Variants in SLC2A13 observed in about 807,000 individuals in gnomAD.
The protein encoded by SLC2A13 is proton myo-inositol cotransporter.
Under a neutral mutation model 64.4 loss-of-function variants are expected in SLC2A13, and 32 were observed. The ratio of observed to expected loss-of-function variants is 0.50; its 90% CI spans 0.37 to 0.67. The LOEUF is 0.67. Among genes scored for constraint, SLC2A13 ranks in the 30% least tolerant of loss-of-function variants. SLC2A13 has a pLI of 0.00. For synonymous variants in SLC2A13, 338 were observed against 327.1 expected (o/e 1.03, Z -0.36); for missense variants, 743 against 829.2 (o/e 0.90, Z 1.28).
intron 7 of SLC2A13, among the ~76,000 whole-genome samples, chr12:39,783,186 C>T (rs776775988): frequency 5.3e-4 from 81 of 152,128 alleles, no homozygotes; most frequent in African/African-American, 7.2e-4. Context: ...CATGTCCCTA[C>T]GAAGGACATG....
intron 4 of SLC2A13, among the ~76,000 whole-genome samples, chr12:39,937,332 G>A (rs1025296437): frequency 2.0e-5 from 3 of 152,154 alleles, no homozygotes; most frequent in East Asian, 1.9e-4. Context: ...TCTGGTCCCT[G>A]GCAGAGTGCC....
At chr12:39,826,736 A>G (rs1942688315) in intron 7 of SLC2A13, among the ~76,000 whole-genome samples, 2 of 151,450 alleles carry the variant, frequency 1.3e-5, no homozygotes, top group South Asian at 2.1e-4. Flanking sequence ...TTGCTGAATT[A>G]TAACACATAT....
intron 7 of SLC2A13, among the ~76,000 whole-genome samples, chr12:39,805,704 G>C (rs953378647): frequency 2.4e-4 from 37 of 152,188 alleles, no homozygotes; most frequent in African/African-American, 8.9e-4. Context: ...AAATGGCAAA[G>C]GTAAGTGAAG....
At chr12:39,828,361 CCTTA>C (rs1203819533) in intron 7 of SLC2A13, among the ~76,000 whole-genome samples, 2 of 151,460 alleles carry the variant, frequency 1.3e-5, no homozygotes, top group Non-Finnish European at 2.9e-5. Flanking sequence ...GTTATCTGTG[CCTTA>C]CTTTTCTCTA....
chr12:40,084,079 A>G (rs1364917846), intron 1 of SLC2A13, among the ~76,000 whole-genome samples: 2 of 152,252 alleles, frequency 1.3e-5, no homozygotes, highest in Non-Finnish European at 2.9e-5. Flanking sequence ...TCCGAATATC[A>G]GATACTGAAC....
At chr12:39,777,172 C>A (rs1205095420) in intron 7 of SLC2A13, among the ~76,000 whole-genome samples, 1 of 152,186 alleles carries the variant, frequency 6.6e-6, no homozygotes, top group Non-Finnish European at 1.5e-5. Flanking sequence ...TTTCTTCCCG[C>A]TTCCTTTTAT....
At chr12:39,949,716 A>C (rs554036805) in intron 4 of SLC2A13, 18 of 152,246 alleles carry the variant, frequency 1.2e-4, no homozygotes, top group Admixed American at 6.5e-4. Flanking sequence ...GTCAAGTTTA[A>C]ATGCTTAGGA....
At chr12:39,879,285 C>T (rs1042334278) in intron 4 of SLC2A13, among the ~76,000 whole-genome samples, 3 of 152,172 alleles carry the variant, frequency 2.0e-5, no homozygotes, top group African/African-American at 7.2e-5. Context: ...GACAGAGTCC[C>T]CTATTGCCTA....
chr12:39,871,853 T>G lies in SLC2A13; in HGVS notation c.1143A>C (p.Gly381=), dbSNP rs1944064633. Residue 381 remains glycine (G), a synonymous_variant, in exon 5 of 10, where the codon GGA becomes GGC. Transcript: ENST00000280871. The part of the protein sequence containing the change: ...AFTNFIFTLV[G]VWLVEKVGRR... ...GGCCCACCTTCTCAACAAGCCAGAC[T>G]CCCACAAGTGTGAAAATGAAATTTG... 1 of 1,612,974 alleles carries G rather than the reference T, an allele frequency of 6.2e-7. No individual in the cohort carries two copies. The highest frequency in any genetic ancestry group is 2.2e-5 in the East Asian group (1 of 44,804).
intron 3 of SLC2A13, among the ~76,000 whole-genome samples, chr12:39,995,687 C>A (rs1947215690): frequency 6.6e-6 from 1 of 152,230 alleles, no homozygotes; most frequent in African/African-American, 2.4e-5. Flanking sequence ...GTGTCCCCAC[C>A]CAAATCTCAT....
At chr12:39,972,971 G>A (rs1368012964) in intron 3 of SLC2A13, among the ~76,000 whole-genome samples, 2 of 152,144 alleles carry the variant, frequency 1.3e-5, no homozygotes, top group Non-Finnish European at 2.9e-5. Context: ...GGAGGCTGAG[G>A]CAGGAGAATT....
intron 3 of SLC2A13, among the ~76,000 whole-genome samples, chr12:40,015,880 C>A (rs1013422855): frequency 1.3e-5 from 2 of 152,088 alleles, no homozygotes; most frequent in African/African-American, 4.8e-5. Flanking sequence ...ATAATAATAA[C>A]GATTTCACAC....
intron 3 of SLC2A13, among the ~76,000 whole-genome samples, chr12:39,985,719 T>C (rs1947018782): frequency 2.6e-5 from 4 of 152,106 alleles, no homozygotes; most frequent in African/African-American, 9.7e-5. Flanking sequence ...AGTCTGCCCA[T>C]TAAATGCCAG....
intron 3 of SLC2A13, among the ~76,000 whole-genome samples, chr12:39,988,653 AGGAAGGAGGGAGGGAGGGAG>A (rs1328588031): frequency 3.1e-5 from 3 of 96,260 alleles, no homozygotes; most frequent in Non-Finnish European, 4.0e-5. Context: ...GAGGGAGAAA[AGGAAGGAGGGAGGGAGGGAG>A]GGAAGAAGGG....
intron 1 of SLC2A13, among the ~76,000 whole-genome samples, chr12:40,058,082 T>C (rs141032709): frequency 6.0e-5 from 9 of 151,192 alleles, no homozygotes; most frequent in African/African-American, 1.9e-4. Context: ...GATAGATAGA[T>C]AGATAGATTG....
rs968572213 is a variant in SLC2A13, at chr12:39,758,792, C to CT, written c.*1233dup. The CT allele has an allele frequency of 1.7e-3, 260 of 148,700 alleles. 1 individual carries two copies. The highest frequency in any genetic ancestry group is 0.014 in the Middle Eastern group (4 of 290). The allele number at this position is 148,700 out of a possible 1,614,324, so 9.2% of individuals were successfully genotyped here. ...AAAACACAGAGACAAATCTATGTAT[C>CT]TTTTTTTTTTCTGGTAAATTCTCAG... On this transcript the variant is annotated 3_prime_UTR_variant, in exon 10 of 10. Transcript: ENST00000280871.
chr12:40,005,478 G>C (rs1947399565), intron 3 of SLC2A13, among the ~76,000 whole-genome samples: 1 of 152,170 alleles, frequency 6.6e-6, no homozygotes, highest in African/African-American at 2.4e-5. Flanking sequence ...AAGTTTAAGA[G>C]ACCAACTCAG....
chr12:39,951,041 A>G (rs1452517791), intron 4 of SLC2A13: 1 of 430,778 alleles, frequency 2.3e-6, no homozygotes, highest in Non-Finnish European at 4.1e-6. Context: ...AATCAAATAA[A>G]GCCAATCATA....
chr12:39,933,569 A>C (rs1304794585), intron 4 of SLC2A13, among the ~76,000 whole-genome samples: 2 of 152,210 alleles, frequency 1.3e-5, no homozygotes, highest in Non-Finnish European at 2.9e-5. Flanking sequence ...TATAAGGTAC[A>C]TACTACTTAA....
Sources: gnomAD v4.1 joint callset for allele counts (sites outside exome capture counted in the v4.1 genomes callset) on GRCh38, gnomAD v4.1.1 for gene constraint, MANE v1.5 for transcripts, NCBI Gene and HGNC (gene_info 2026-07-23, HGNC 2026-07-21) for gene names.